NHSL1: variants seen among roughly 807,000 people sequenced by gnomAD.
NHSL1 encodes NHS like 1, also known as NHS-like protein 1.
In NHSL1, 48 loss-of-function variants were observed where a neutral mutation model predicts 95.0. The observed-to-expected ratio is 0.51, with a 90% CI of 0.40 to 0.64. The LOEUF (loss-of-function observed/expected upper bound fraction) is 0.64. Among genes scored for constraint, NHSL1 ranks in the 30% least tolerant of loss-of-function variants. The pLI is 0.00. For synonymous variants in NHSL1, 783 were observed against 833.9 expected (o/e 0.94, Z 1.05); for missense variants, 1,971 against 2,077.7 (o/e 0.95, Z 1.00).
intron 1 of NHSL1, among the ~76,000 whole-genome samples, chr6:138,672,494 C>T (rs542222361): frequency 3.9e-5 from 6 of 152,060 alleles, no homozygotes; most frequent in African/African-American, 1.4e-4. Context: ...CCATAGTATA[C>T]TAAAAGAACA....
chr6:138,656,433 C>T (rs1243009752), intron 1 of NHSL1, among the ~76,000 whole-genome samples: 1 of 152,124 alleles, frequency 6.6e-6, no homozygotes, highest in East Asian at 1.9e-4. Flanking sequence ...CCTCTCAGAG[C>T]AATGCATTTG....
chr6:138,670,370 TA>T (rs750341571), intron 1 of NHSL1, among the ~76,000 whole-genome samples: 8,266 of 125,144 alleles, frequency 0.066, 243 homozygotes, highest in Admixed American at 0.092. Flanking sequence ...CCGTTGAAGG[TA>T]AAAAAAAAAA....
chr6:138,541,302 G>A (rs1304321291), intron 1 of NHSL1, among the ~76,000 whole-genome samples: 1 of 152,184 alleles, frequency 6.6e-6, no homozygotes, highest in Non-Finnish European at 1.5e-5. Context: ...AGGAGGCGGA[G>A]GTTGCAGTGA....
At chr6:138,652,815 G>C (rs1008356741) in intron 1 of NHSL1, among the ~76,000 whole-genome samples, 4 of 152,180 alleles carry the variant, frequency 2.6e-5, no homozygotes, top group Non-Finnish European at 5.9e-5. Flanking sequence ...ACACCTGCCA[G>C]ATAATTAAAT....
chr6:138,546,458 A>C (rs2068930987), upstream of NHSL1, among the ~76,000 whole-genome samples: 1 of 136,356 alleles, frequency 7.3e-6, no homozygotes, highest in African/African-American at 2.8e-5. Flanking sequence ...AAAAAAAAAA[A>C]ACTAGCTGGG....
intron 3 of NHSL1, among the ~76,000 whole-genome samples, chr6:138,453,497 G>A (rs1027180199): frequency 6.6e-6 from 1 of 151,916 alleles, no homozygotes; most frequent in South Asian, 2.1e-4. Flanking sequence ...TGGGAGTATG[G>A]ATGTGCATCA....
chr6:138,591,311 T>C (rs1351287582), intron 1 of NHSL1, among the ~76,000 whole-genome samples: 1 of 152,254 alleles, frequency 6.6e-6, no homozygotes, highest in Non-Finnish European at 1.5e-5. Flanking sequence ...CCCCTTTATC[T>C]GTAGTTTTGC....
intron 1 of NHSL1, among the ~76,000 whole-genome samples, chr6:138,638,103 C>T (rs1784912121): frequency 6.6e-6 from 1 of 151,864 alleles, no homozygotes; most frequent in African/African-American, 2.4e-5. Context: ...TGAAATAAGC[C>T]AGGCACAGAA....
intron 1 of NHSL1, among the ~76,000 whole-genome samples, chr6:138,657,488 CT>C (rs993553064): frequency 6.6e-5 from 10 of 152,246 alleles, no homozygotes; most frequent in African/African-American, 2.4e-4. Context: ...TATCCCTGAA[CT>C]ATTTGAAAAA....
At chr6:138,446,512 C>T (rs566265559) in intron 4 of NHSL1, among the ~76,000 whole-genome samples, 3 of 152,196 alleles carry the variant, frequency 2.0e-5, no homozygotes, top group South Asian at 2.1e-4. Context: ...ATAACATATT[C>T]TGAAAATTTT....
At chr6:138,628,765 G>T (rs771181529) in intron 1 of NHSL1, among the ~76,000 whole-genome samples, 1 of 152,122 alleles carries the variant, frequency 6.6e-6, no homozygotes, top group Non-Finnish European at 1.5e-5. Context: ...AAATTAAAAA[G>T]TTCCTCCATT....
upstream of NHSL1, among the ~76,000 whole-genome samples, chr6:138,577,464 T>C (rs1783988779): frequency 6.6e-6 from 1 of 152,168 alleles, no homozygotes; most frequent in Non-Finnish European, 1.5e-5. Context: ...CACGGCTGGA[T>C]TGCAAGCGCC....
At chr6:138,580,351 G>A (rs1407582094) in intron 1 of NHSL1, among the ~76,000 whole-genome samples, 1 of 152,142 alleles carries the variant, frequency 6.6e-6, no homozygotes, top group African/African-American at 2.4e-5. Flanking sequence ...TGCAAAAAAA[G>A]AAATACAAGA....
chr6:138,550,968 A>T (rs1782980416), intron 1 of NHSL1, among the ~76,000 whole-genome samples: 1 of 152,216 alleles, frequency 6.6e-6, no homozygotes, highest in Non-Finnish European at 1.5e-5. Flanking sequence ...GTCCTCTCTT[A>T]TCCGAGGTTT....
rs1242753283 is a variant in NHSL1 at position 138,692,345 on chromosome 6, CCACT to C, written c.96+127_96+130del. On this transcript the variant is annotated intron_variant, in intron 1 of 3. Coordinates refer to the NHSL1 transcript ENST00000491526. The surrounding 1 kb of genome is among the most constrained non-coding windows in gnomAD (Gnocchi z 4.0). ...GCCTCCCGCTGGGGTCCGGCAGTCC[CCACT>C]GGAGACCCCGACATCGCGGGGCTCC... is the stretch of plus-strand genomic sequence containing the variant. 1 of 345,884 alleles carries C rather than the reference CCACT, an allele frequency of 2.9e-6. No homozygotes were observed. Among genetic ancestry groups the C allele is most frequent in the African/African-American group, 2.2e-5 (1 of 46,394 alleles). The allele number at this position is 345,884 out of a possible 1,614,324, so 21.4% of individuals were successfully genotyped here. A position where few individuals can be genotyped will look rare whatever the true frequency, so the allele number is the denominator to read the frequency against.
intron 1 of NHSL1, among the ~76,000 whole-genome samples, chr6:138,648,066 T>C (rs1168324395): frequency 2.0e-5 from 3 of 152,228 alleles, no homozygotes; most frequent in Non-Finnish European, 4.4e-5. Context: ...CCTTCCCTCT[T>C]GGTGTAACTA....
exon 1 of NHSL1, chr6:138,571,752 C>T (rs1783847079): frequency 2.6e-6 from 4 of 1,552,326 alleles, no homozygotes; most frequent in Non-Finnish European, 2.6e-6. Flanking sequence ...TCGTCATCCA[C>T]TTCCACCTGC....
At position 138,499,352 on chromosome 6, in the gene NHSL1, CA is replaced by C; in HGVS notation, c.-63del. 4 of 1,539,742 alleles carry C rather than the reference CA, an allele frequency of 2.6e-6. No homozygotes were observed. Among genetic ancestry groups the C allele is most frequent in the Non-Finnish European group, 3.5e-6 (4 of 1,141,186 alleles). On this transcript the variant is annotated 5_prime_UTR_variant, in exon 1 of 8. An upstream open reading frame in the 5' UTR loses its in-frame stop. Coordinates refer to ENST00000343505, the MANE Select transcript of NHSL1 (RefSeq NM_001144060.2). ...CACATTAAAAGCTCAGCCCAGTAGG[CA>C]GGTGGCAAGCTTCGTCCTTCTGCTA...
At chr6:138,610,368 C>T (rs931501375) in intron 1 of NHSL1, among the ~76,000 whole-genome samples, 3 of 151,784 alleles carry the variant, frequency 2.0e-5, no homozygotes, top group Non-Finnish European at 2.9e-5. Flanking sequence ...GGGTGGGGAA[C>T]ATCACACACC....
Sources: gnomAD v4.1 joint callset for allele counts (sites outside exome capture counted in the v4.1 genomes callset) on GRCh38, gnomAD v4.1.1 for gene constraint, Gnocchi (gnomAD v3.1) non-coding constraint, MANE v1.5 for transcripts, NCBI Gene and HGNC (gene_info 2026-07-23, HGNC 2026-07-21) for gene names.